The following CYTL1 variants were observed in gnomAD, a reference collection of about 807,000 sequenced individuals.
The protein encoded by CYTL1 is cytokine-like protein 1.
In CYTL1, 17 loss-of-function variants were observed where a neutral mutation model predicts 13.1. The observed-to-expected ratio is 1.29, with a 90% confidence interval of 0.89 to 1.94. The LOEUF is 1.94. Among genes scored for constraint, CYTL1 ranks in the 30% most tolerant of loss-of-function variants. The pLI, the probability that CYTL1 is intolerant of heterozygous loss-of-function variation, is 0.00. For missense variants in CYTL1, 213 were observed against 174.8 expected (o/e 1.22, Z -1.23); for synonymous variants, 91 against 79.4 (o/e 1.15, Z -0.78).
rs1032300094 is a variant in CYTL1, at chr4:5,018,934, C to T, written c.153+359G>A. 2.6e-5 allele frequency among the ~76,000 whole-genome samples: 4 copies of T among 151,994 alleles called. No individual in the cohort carries two copies. The East Asian group carries it at 7.7e-4, about 29-fold the overall frequency. On this transcript the variant is annotated intron_variant, in intron 1 of 3. Transcript: ENST00000307746. ...AAAGCAATACACAAGCTTCATTCCT[C>T]CGTCCTCCTTAACTCTGATGGGGAG...
intron 1 of CYTL1, 40 bp from the exon 2 acceptor site, chr4:5,017,219 G>T (rs1306356355): frequency 1.3e-6 from 2 of 1,599,656 alleles, no homozygotes; most frequent in East Asian, 2.2e-5. Context: ...GCCCACAGGG[G>T]CATACCTGGT....
At chr4:5,018,935 C>A (rs1198847654) in intron 1 of CYTL1, among the ~76,000 whole-genome samples, 4 of 151,890 alleles carry the variant, frequency 2.6e-5, no homozygotes, top group African/African-American at 9.7e-5. Context: ...TTCATTCCTC[C>A]GTCCTCCTTA....
chr4:5,019,204 T>C (rs1169563236), intron 1 of CYTL1, 89 bp downstream of exon 1: 4 of 1,169,462 alleles, frequency 3.4e-6, no homozygotes, highest in African/African-American at 3.2e-5. Context: ...TCCTTTTCTC[T>C]CTCTCTCTCT....
intron 1 of CYTL1, among the ~76,000 whole-genome samples, chr4:5,017,794 T>A (rs1457755950): frequency 6.6e-6 from 1 of 152,214 alleles, no homozygotes; most frequent in Non-Finnish European, 1.5e-5. Context: ...TATAATATAG[T>A]AATATCGAAG....
Position 5,019,458 on chromosome 4 carries a change from T to C in CYTL1, c.-13A>G. 6.9e-7 allele frequency: 1 copy of C among 1,448,922 alleles called. No homozygotes were observed. The allele number at this position is 1,448,922 out of a possible 1,614,324, so 89.8% of individuals were successfully genotyped here. A position where few individuals can be genotyped will look rare whatever the true frequency, so the allele number is the denominator to read the frequency against. On this transcript the variant is annotated 5_prime_UTR_variant, in exon 1 of 4. Transcript: ENST00000307746. ...CAGGCGTCCTCATGGTGCCAGGCGC[T>C]GGTGCAGCCTCGCCGACCGCCCCTT... is the stretch of plus-strand genomic sequence containing the variant.
In CYTL1 at chr4:5,016,941, C is replaced by T; in HGVS notation, c.222G>A (p.Leu74=). 1 of 1,614,222 alleles carries T rather than the reference C, an allele frequency of 6.2e-7. No homozygotes were observed. Among genetic ancestry groups the T allele is most frequent in the Non-Finnish European group, 8.5e-7 (1 of 1,180,044 alleles). ...DIHNYCVLDK[L]RDFVASPPCW... ...ACGGGGGCGAGGCCACAAAGTCCCG[C>T]AGCTTGTCCAGCACACAGTAATTCT... is the stretch of plus-strand genomic sequence containing the variant. Residue 74 remains leucine (L), a synonymous_variant, in exon 3 of 4, where the codon CTG becomes CTA. Transcript: ENST00000307746.
At chr4:5,015,508 A>G (rs1741054227) in intron 3 of CYTL1, among the ~76,000 whole-genome samples, 1 of 4,462 alleles carries the variant, frequency 2.2e-4, no homozygotes, top group African/African-American at 2.5e-4. Context: ...ATAGATGACT[A>G]TGGGTGAGGG....
intron 2 of CYTL1, 38 bp from the exon 3 acceptor site, chr4:5,017,002 G>A: frequency 5.6e-6 from 9 of 1,613,752 alleles, no homozygotes; most frequent in Non-Finnish European, 7.6e-6. Context: ...TGTGGGAGAA[G>A]TCAGTAGCAA....
In CYTL1 at chr4:5,017,119, G is replaced by T; in HGVS notation, c.198+16C>A. On this transcript the variant is annotated intron_variant, in intron 2 of 3. Coordinates refer to ENST00000307746, the MANE Select transcript of CYTL1 (RefSeq NM_018659.3). ...CTCAGCCCAAGACCTCCCTCCCCCAGGGAGAACCCTCTTACGTGTATGTCC... is the reference window on the plus strand; with the variant it reads ...CTCAGCCCAAGACCTCCCTCCCCCATGGAGAACCCTCTTACGTGTATGTCC... 1.2e-6 allele frequency: 2 copies of T among 1,613,254 alleles called. No homozygotes were observed. The highest frequency in any genetic ancestry group is 1.1e-5 in the South Asian group (1 of 90,936).
At chr4:5,015,653 C>A (rs1314517722) in intron 3 of CYTL1, among the ~76,000 whole-genome samples, 1 of 152,174 alleles carries the variant, frequency 6.6e-6, no homozygotes, top group East Asian at 1.9e-4. Context: ...CCCCCACAAA[C>A]CAAAGGGAGC....
rs1218194573 is a variant in CYTL1, at chr4:5,017,329, A to ACT, written c.154-151_154-150insAG. ...CATGCACAGTACTTTCTTGTGTCAT[A>ACT]CGTCACACTCCTCCAGAAATGGGCG... On this transcript the variant is annotated intron_variant, in intron 1 of 3. Transcript: ENST00000307746. The ACT allele has an allele frequency of 4.7e-6, 3 of 632,444 alleles. No individual in the cohort carries two copies. In the African/African-American group the frequency reaches 5.5e-5, roughly 12 times the overall value. 39.2% of individuals were successfully genotyped at this position (632,444 alleles called of 1,614,324 possible).
rs928226071 is a variant in CYTL1 at position 5,014,745 on chromosome 4, C to T, written c.*406G>A. On this transcript the variant is annotated 3_prime_UTR_variant, in exon 4 of 4. Coordinates refer to ENST00000307746, the MANE Select transcript of CYTL1 (RefSeq NM_018659.3). ...GTGTTAGAAAAAGGCATAATAGAAG[C>T]TTGGTTAAATGTAAGCAGGTTTCTA... 2.2e-4 allele frequency: 40 copies of T among 184,112 alleles called. No individual in the cohort carries two copies. The highest frequency in any genetic ancestry group is 1.9e-4 in the Admixed American group (3 of 16,194). The allele number at this position is 184,112 out of a possible 1,614,324, so 11.4% of individuals were successfully genotyped here.
chr4:5,016,852 T>C lies in CYTL1; in HGVS notation c.311A>G (p.Asn104Ser). The C allele has an allele frequency of 1.2e-6, 2 of 1,614,066 alleles. No individual in the cohort carries two copies. Among genetic ancestry groups the C allele is most frequent in the Non-Finnish European group, 8.5e-7 (1 of 1,180,016 alleles). The change falls in exon 3 of 4, where the codon AAC (asparagine) becomes AGC (serine). Residue 104 changes from asparagine (N) to serine (S), a missense_variant. Coordinates refer to ENST00000307746, the MANE Select transcript of CYTL1 (RefSeq NM_018659.3). ...DKARKLYTIM[N>S]SFCRRDLVFL... ...TCCACTTACTCTCCTGCAGAACGAG[T>C]TCATGATGGTGTACAGCTTCCGTGC...
chr4:5,017,045 C>T, intron 2 of CYTL1, 81 bp from the exon 3 acceptor site: 1 of 1,607,320 alleles, frequency 6.2e-7, no homozygotes, highest in South Asian at 1.1e-5. Flanking sequence ...TAAGATCTCT[C>T]CCTGACTCTG....
intron 1 of CYTL1, among the ~76,000 whole-genome samples, chr4:5,019,003 C>CTTTTTTTTTTTTTTTTTTT (rs1186542271): frequency 5.9e-4 from 53 of 89,608 alleles, no homozygotes; most frequent in African/African-American, 1.1e-3. Flanking sequence ...TTTCTTTTTT[C>CTTTTTTTTTTTTTTTTTTT]TTTTTTTTTT....
intron 1 of CYTL1, among the ~76,000 whole-genome samples, chr4:5,017,628 A>G (rs1259261557): frequency 1.3e-5 from 2 of 150,162 alleles, no homozygotes; most frequent in Admixed American, 6.7e-5. Flanking sequence ...ATAATAATAT[A>G]CTTATATAAT....
intron 1 of CYTL1, 107 bp downstream of exon 1, chr4:5,019,186 G>T: frequency 1.8e-6 from 2 of 1,083,450 alleles, no homozygotes; most frequent in Non-Finnish European, 2.4e-6. Flanking sequence ...TACTAGAAAA[G>T]AAAAATATCC....
chr4:5,015,445 CA>C (rs1741052732), intron 3 of CYTL1, among the ~76,000 whole-genome samples: 1 of 152,128 alleles, frequency 6.6e-6, no homozygotes, highest in African/African-American at 2.4e-5. Flanking sequence ...CTTCACATTC[CA>C]ATAAAATTTC....
Position 5,016,863 on chromosome 4 carries a change from G to A in CYTL1, c.300C>T (p.Tyr100=). The A allele has an allele frequency of 1.9e-6, 3 of 1,614,226 alleles. No individual in the cohort carries two copies. Among genetic ancestry groups the A allele is most frequent in the Non-Finnish European group, 1.7e-6 (2 of 1,180,034 alleles). The change falls in exon 3 of 4, where the codon TAC becomes TAT. Residue 100 remains tyrosine, a synonymous_variant. Transcript: ENST00000307746. ...DSLKDKARKL[Y]TIMNSFCRRD... is the part of the protein sequence containing the mutation. ...TCCTGCAGAACGAGTTCATGATGGT[G>A]TACAGCTTCCGTGCTTTGTCCTTCA...
Sources: gnomAD v4.1 joint callset for allele counts (sites outside exome capture counted in the v4.1 genomes callset) on GRCh38, gnomAD v4.1.1 for gene constraint, MANE v1.5 for transcripts, NCBI Gene and HGNC (gene_info 2026-07-23, HGNC 2026-07-21) for gene names.